Variants in MICAL2 observed in about 807,000 individuals in gnomAD.
MICAL2 encodes the protein microtubule associated monooxygenase, calponin and LIM domain containing 2, also known as [F-actin]-monooxygenase MICAL2.
Under a neutral mutation model 127.3 loss-of-function variants are expected in MICAL2, and 77 were observed. The ratio of observed to expected loss-of-function variants is 0.60; its 90% CI spans 0.50 to 0.73. The LOEUF (loss-of-function observed/expected upper bound fraction) is 0.73. Among genes scored for constraint, MICAL2 ranks in the 30% least tolerant of loss-of-function variants. The probability of loss-of-function intolerance (pLI) is 0.00; values close to 1 mark genes in which losing one functional copy is unlikely to be tolerated. For missense variants in MICAL2, 1,351 were observed against 1,434.4 expected, an observed-to-expected ratio of 0.94 and a Z score of 0.94; for synonymous variants, 570 against 551.1, an observed-to-expected ratio of 1.03 and a Z score of -0.48.
chr11:12,156,958 G>T (rs1235979361), intron 2 of MICAL2, among the ~76,000 whole-genome samples: 1 of 152,252 alleles, frequency 6.6e-6, no homozygotes, highest in Non-Finnish European at 1.5e-5. Flanking sequence ...ACGTAGAGCT[G>T]GGAGAGGGTA....
intron 3 of MICAL2, among the ~76,000 whole-genome samples, chr11:12,191,052 C>T (rs1859029560): frequency 6.6e-6 from 1 of 152,158 alleles, no homozygotes; most frequent in African/African-American, 2.4e-5. Context: ...TTATCAGTAC[C>T]TGCTGAGGAT....
chr11:12,232,287 C>T (rs922810026), intron 15 of MICAL2, among the ~76,000 whole-genome samples: 7 of 152,200 alleles, frequency 4.6e-5, no homozygotes, highest in African/African-American at 1.7e-4. Flanking sequence ...TCATTTGCTC[C>T]TCATGTCACC....
intron 1 of MICAL2, among the ~76,000 whole-genome samples, chr11:12,131,426 C>G (rs1016781630): frequency 4.6e-5 from 7 of 152,142 alleles, no homozygotes; most frequent in African/African-American, 1.7e-4. Context: ...CTCCTCTCCT[C>G]TGCACCTGGG....
chr11:12,346,483 T>C (rs372709235), intron 32 of MICAL2, among the ~76,000 whole-genome samples: 1 of 152,218 alleles, frequency 6.6e-6, no homozygotes, highest in Non-Finnish European at 1.5e-5. Flanking sequence ...TTAACTTCTA[T>C]GTTCTATATG....
chr11:12,254,588 G>T (rs1313973871), intron 22 of MICAL2: 2 of 152,350 alleles, frequency 1.3e-5, no homozygotes, highest in Non-Finnish European at 2.9e-5. Context: ...GTAATGATTG[G>T]GTCTGAGTAC....
chr11:12,267,605 TTTTA>T (rs562782570), downstream of MICAL2, among the ~76,000 whole-genome samples: 260 of 152,190 alleles, frequency 1.7e-3, 3 homozygotes, highest in African/African-American at 6.1e-3. Context: ...CGGATTATCC[TTTTA>T]TTTATTTGTT....
In MICAL2 at chr11:12,212,326, A is replaced by C. The variant is rs528775220; in HGVS notation, c.692-929A>C. On this transcript the variant is annotated intron_variant, in intron 6 of 27. Transcript: ENST00000683283. ...CTCCACAAACACTTAAAAAAAAATA[A>C]ATAAGGCAGTCATGGTGACACATGC... is the stretch of plus-strand genomic sequence containing the variant. 5.3e-5 allele frequency among the ~76,000 whole-genome samples: 8 copies of C among 152,262 alleles called. No individual in the cohort carries two copies. In the East Asian group the frequency reaches 1.5e-3, roughly 29 times the overall value.
intron 10 of MICAL2, 28 bp downstream of exon 10, chr11:12,221,787 T>G (rs1345396131): frequency 6.3e-7 from 1 of 1,587,706 alleles, no homozygotes; most frequent in East Asian, 2.2e-5. Context: ...GGCTCCTAAC[T>G]GGGGGGCAGG....
At chr11:12,284,729 G>A (rs1269804332) in intron 2 of MICAL2, among the ~76,000 whole-genome samples, 2 of 152,170 alleles carry the variant, frequency 1.3e-5, no homozygotes, top group Admixed American at 6.5e-5. Context: ...AGCCTGGAAA[G>A]CCCAGGCAGC....
At chr11:12,175,029 G>T (rs1477126871) in intron 3 of MICAL2, among the ~76,000 whole-genome samples, 1 of 152,046 alleles carries the variant, frequency 6.6e-6, no homozygotes, top group African/African-American at 2.4e-5. Context: ...AGGCTGAGAT[G>T]GGAGGATCGC....
chr11:12,114,931 G>A (rs1322821662), intron 1 of MICAL2, among the ~76,000 whole-genome samples: 2 of 152,146 alleles, frequency 1.3e-5, no homozygotes, highest in African/African-American at 4.8e-5. Context: ...GGAGACTGAG[G>A]TCACTTCTGT....
In MICAL2 at chr11:12,221,751, G is replaced by A. The variant is rs750916785; in HGVS notation, c.1314G>A (p.Leu438=). ...WNQGTPPLEL[L]AERESLYRLL... is the part of the protein sequence containing the mutation. ...AGGGCACCCCTCCCCTGGAGCTGCT[G>A]GCTGAAAGGTGAGCTTTGACAGTAG... Residue 438 remains leucine (L), a synonymous_variant, in exon 10 of 28, where the codon CTG becomes CTA. Transcript: ENST00000683283. 1 of 1,613,212 alleles carries A rather than the reference G, an allele frequency of 6.2e-7. No individual in the cohort carries two copies. Among genetic ancestry groups the A allele is most frequent in the South Asian group, 1.1e-5 (1 of 90,992 alleles).
At chr11:12,294,162 G>C (rs761328519), downstream of MICAL2, 17 of 1,613,910 alleles carry the variant, frequency 1.1e-5, no homozygotes, top group East Asian at 2.2e-4. Flanking sequence ...CCAACCCAGA[G>C]AGGGGCCCAG....
At chr11:12,137,212 C>T (rs866758127) in intron 1 of MICAL2, among the ~76,000 whole-genome samples, 3 of 152,196 alleles carry the variant, frequency 2.0e-5, no homozygotes, top group Admixed American at 6.5e-5. Flanking sequence ...TGATGACGGG[C>T]GGGCAGGGCT....
intron 22 of MICAL2, chr11:12,252,492 A>G (rs1451666671): frequency 6.6e-6 from 1 of 152,298 alleles, no homozygotes; most frequent in African/African-American, 2.4e-5. Context: ...CCAAAGCCAC[A>G]CACATGGTCT....
At chr11:12,123,662 G>T (rs1398634789) in intron 1 of MICAL2, among the ~76,000 whole-genome samples, 1 of 152,190 alleles carries the variant, frequency 6.6e-6, no homozygotes, top group Admixed American at 6.5e-5. Context: ...GTTTCAGGGG[G>T]TTTTAAGACA....
At position 12,260,266 on chromosome 11, in the gene MICAL2, A is replaced by G. The variant is rs1862922470; in HGVS notation, c.3334+369A>G. On this transcript the variant is annotated intron_variant, in intron 26 of 27. Transcript: ENST00000683283. ...TGCTCAGGCTCTGGCCAGGAAGCCT[A>G]GCATTCTCTAAGCAATTAGCTCAAA... 2.8e-6 allele frequency: 4 copies of G among 1,433,884 alleles called. No homozygotes were observed. In the East Asian group the frequency reaches 7.5e-5, roughly 27 times the overall value. 88.8% of individuals were successfully genotyped at this position (1,433,884 alleles called of 1,614,324 possible).
chr11:12,201,857 G>A lies in MICAL2; in HGVS notation c.265-2393G>A, dbSNP rs541924791. On this transcript the variant is annotated intron_variant, in intron 3 of 27. Transcript: ENST00000683283. The stretch of plus-strand genomic sequence containing the variant: ...TCACTGGCCGGGCACAGTGGCTCAC[G>A]CCTGCAATCCCAGCACTCTGGGAGG... Among the ~76,000 whole-genome samples the A allele has an allele frequency of 1.6e-4, 25 of 152,306 alleles. No individual in the cohort carries two copies. The South Asian group carries it at 5.0e-3, about 30-fold the overall frequency.
chr11:12,307,597 C>T (rs1215173122), intron 29 of MICAL2, among the ~76,000 whole-genome samples: 1 of 152,136 alleles, frequency 6.6e-6, no homozygotes, highest in East Asian at 1.9e-4. Flanking sequence ...AATTTTTTTA[C>T]ATTGCAATGA....
Sources: allele counts gnomAD v4.1 joint callset (sites outside exome capture counted in the v4.1 genomes callset), GRCh38; gene constraint gnomAD v4.1.1; transcripts MANE v1.5; gene names NCBI Gene and HGNC (gene_info 2026-07-23, HGNC 2026-07-21).